Variants in TOP1 observed in about 807,000 individuals in gnomAD.
The protein encoded by TOP1 is DNA topoisomerase I.
Under a neutral mutation model 111.1 loss-of-function variants are expected in TOP1, and 10 were observed. The observed-to-expected ratio is 0.09, with a 90% CI of 0.06 to 0.15. The LOEUF (loss-of-function observed/expected upper bound fraction) is 0.15, where lower values mean the gene tolerates loss of function less well. Ranked by LOEUF, TOP1 falls within the 10% of genes least tolerant of loss-of-function variation. The probability of loss-of-function intolerance (pLI) is 1.00; values close to 1 mark genes in which losing one functional copy is unlikely to be tolerated. For synonymous variants in TOP1, 271 were observed against 302.9 expected, an observed-to-expected ratio of 0.89 and a Z score of 1.10; for missense variants, 474 against 926.7, an observed-to-expected ratio of 0.51 and a Z score of 6.34.
Position 41,074,770 on chromosome 20 carries a change from C to A in TOP1, c.156-1401C>A, listed in dbSNP as rs1355443591. On this transcript the variant is annotated intron_variant, in intron 3 of 20. Transcript: ENST00000361337. ...ACAAACTTCATGGGATGGACATAGCCTAATGAGCTCATTGCTGATGAAGTC... is the reference window on the plus strand; with the variant it reads ...ACAAACTTCATGGGATGGACATAGCATAATGAGCTCATTGCTGATGAAGTC... Among the ~76,000 whole-genome samples, 3 of 152,300 alleles carry A rather than the reference C, an allele frequency of 2.0e-5. No individual in the cohort carries two copies. The East Asian group carries it at 5.8e-4, about 29-fold the overall frequency.
intron 2 of TOP1, among the ~76,000 whole-genome samples, chr20:41,043,101 G>A (rs1321044072): frequency 6.6e-6 from 1 of 152,162 alleles, no homozygotes; most frequent in East Asian, 1.9e-4. Flanking sequence ...TTCCTGATCA[G>A]CAGAACTGCA....
In TOP1 at chr20:41,112,476, A is replaced by G. The variant is rs1039151415; in HGVS notation, c.1309-306A>G. The stretch of plus-strand genomic sequence containing the variant: ...TTGTGCTTGGCAGTGAGATGGGACA[A>G]TGTGCATTCTTAACAGGTTAAATGT... On this transcript the variant is annotated intron_variant, in intron 13 of 20. Coordinates refer to ENST00000361337, the MANE Select transcript of TOP1 (RefSeq NM_003286.4). The surrounding 1 kb of genome is among the most constrained non-coding windows in gnomAD (Gnocchi z 5.8). Among the ~76,000 whole-genome samples, 1 of 152,236 alleles carries G rather than the reference A, an allele frequency of 6.6e-6. No homozygotes were observed. The highest frequency in any genetic ancestry group is 2.4e-5 in the African/African-American group (1 of 41,464).
Position 41,070,900 on chromosome 20 carries a change from TACTTA to T in TOP1, c.156-5266_156-5262del, listed in dbSNP as rs1190843806. Among the ~76,000 whole-genome samples, 3 of 152,366 alleles carry T rather than the reference TACTTA, an allele frequency of 2.0e-5. No individual in the cohort carries two copies. The East Asian group carries it at 5.8e-4, about 29-fold the overall frequency. ...TTTAGAGGTAGTTCCTTGGGTGAGT[TACTTA>T]ACTTGTCTGTGCTTCAGTTTCCACA... is the stretch of plus-strand genomic sequence containing the variant. On this transcript the variant is annotated intron_variant, in intron 3 of 20. Transcript: ENST00000361337.
In TOP1 at chr20:41,078,787, G is replaced by A. The variant is rs1288862262; in HGVS notation, c.335+1150G>A. Among the ~76,000 whole-genome samples, 1 of 152,152 alleles carries A rather than the reference G, an allele frequency of 6.6e-6. No homozygotes were observed. The highest frequency in any genetic ancestry group is 1.5e-5 in the Non-Finnish European group (1 of 68,028). On this transcript the variant is annotated intron_variant, in intron 5 of 20. Transcript: ENST00000361337. This position sits in a 1 kb window ranked among gnomAD's most constrained non-coding sequence, Gnocchi z 5.3. ...GATTAGGAACACAGCCTTCTTTGAGGCAGTGGTCTCTATGTTCACTTTGCT... is the reference window on the plus strand; with the variant it reads ...GATTAGGAACACAGCCTTCTTTGAGACAGTGGTCTCTATGTTCACTTTGCT...
At chr20:41,105,467 A>G (rs2034131076) in intron 13 of TOP1, among the ~76,000 whole-genome samples, 1 of 152,148 alleles carries the variant, frequency 6.6e-6, no homozygotes, top group South Asian at 2.1e-4. Flanking sequence ...GTATTCTATT[A>G]TATCATAAAA....
At position 41,097,705 on chromosome 20, in the gene TOP1, C is replaced by T. The variant is rs2034001454; in HGVS notation, c.852+364C>T. On this transcript the variant is annotated intron_variant, in intron 10 of 20. Coordinates refer to ENST00000361337, the MANE Select transcript of TOP1 (RefSeq NM_003286.4). This position sits in a 1 kb window ranked among gnomAD's most constrained non-coding sequence, Gnocchi z 4.2. ...TCTGATGTCCCTCTCGCTGTTAATT[C>T]TTGCTCATTTATTTTAGGTACTTTC... is the stretch of plus-strand genomic sequence containing the variant. 6.6e-6 allele frequency among the ~76,000 whole-genome samples: 1 copy of T among 152,194 alleles called. No homozygotes were observed. The highest frequency in any genetic ancestry group is 2.4e-5 in the African/African-American group (1 of 41,448).
chr20:41,121,545 T>C lies in TOP1; in HGVS notation c.1951-151T>C, dbSNP rs926074926. On this transcript the variant is annotated intron_variant, in intron 18 of 20. Transcript: ENST00000361337. This position sits in a 1 kb window ranked among gnomAD's most constrained non-coding sequence, Gnocchi z 4.2. ...AATTCACTAGTCCTTGTGCATCTTC[T>C]CCCTGCCTTCATGAAGCCACCCTTG... The C allele has an allele frequency of 1.4e-5, 10 of 689,744 alleles. No individual in the cohort carries two copies. Among genetic ancestry groups the C allele is most frequent in the Admixed American group, 2.2e-5 (1 of 46,496 alleles). 42.7% of individuals were successfully genotyped at this position (689,744 alleles called of 1,614,324 possible). A position where few individuals can be genotyped will look rare whatever the true frequency, so the allele number is the denominator to read the frequency against.
chr20:41,103,803 TCTC>T (rs2034102085), intron 13 of TOP1, among the ~76,000 whole-genome samples: 1 of 151,964 alleles, frequency 6.6e-6, no homozygotes, highest in South Asian at 2.1e-4. Flanking sequence ...AAACACCCAT[TCTC>T]CTATTCTTTC....
chr20:41,095,387 T>G lies in TOP1; in HGVS notation c.731-1833T>G, dbSNP rs867793298. Among the ~76,000 whole-genome samples the G allele has an allele frequency of 4.6e-5, 7 of 152,076 alleles. No homozygotes were observed. Among genetic ancestry groups the G allele is most frequent in the African/African-American group, 1.7e-4 (7 of 41,440 alleles). ...GGTGTTAACAGTTTACATTTTTTTC[T>G]TGCCATTTTATTTCATTTATTTTAT... On this transcript the variant is annotated intron_variant, in intron 9 of 20. Coordinates refer to ENST00000361337, the MANE Select transcript of TOP1 (RefSeq NM_003286.4). The surrounding 1 kb of genome is among the most constrained non-coding windows in gnomAD (Gnocchi z 4.6).
rs1042248379 is a variant in TOP1, at chr20:41,080,760, ATTTC to A, written c.432-400_432-397del. Among the ~76,000 whole-genome samples the A allele has an allele frequency of 3.3e-5, 5 of 152,246 alleles. No homozygotes were observed. Among genetic ancestry groups the A allele is most frequent in the Admixed American group, 3.3e-4 (5 of 15,288 alleles). The stretch of plus-strand genomic sequence containing the variant: ...CTCATTTGTATTCATTCAATATAGA[ATTTC>A]TTTCCTCCACATTCCAGTGAGTTAC... On this transcript the variant is annotated intron_variant, in intron 6 of 20. Transcript: ENST00000361337. This position sits in a 1 kb window ranked among gnomAD's most constrained non-coding sequence, Gnocchi z 5.0.
intron 2 of TOP1, among the ~76,000 whole-genome samples, chr20:41,036,916 C>T (rs1044958303): frequency 1.2e-4 from 18 of 149,816 alleles, no homozygotes; most frequent in Non-Finnish European, 2.2e-4. Flanking sequence ...CTGCAAGCTC[C>T]GCCTCCCAGG....
rs759789088 is a variant in TOP1 at position 41,082,768 on chromosome 20, C to T, written c.507+1528C>T. ...AAGTAGTGATTATGGTAGCCAATCA[C>T]TCCACTTGCATATACCAAATCAGTA... On this transcript the variant is annotated intron_variant, in intron 7 of 20. Coordinates refer to ENST00000361337, the MANE Select transcript of TOP1 (RefSeq NM_003286.4). The surrounding 1 kb of genome is among the most constrained non-coding windows in gnomAD (Gnocchi z 4.1). Among the ~76,000 whole-genome samples, 1 of 151,774 alleles carries T rather than the reference C, an allele frequency of 6.6e-6. No individual in the cohort carries two copies. The highest frequency in any genetic ancestry group is 1.5e-5 in the Non-Finnish European group (1 of 68,004).
In TOP1 at chr20:41,123,365, C is replaced by A; in HGVS notation, c.*68C>A. On this transcript the variant is annotated 3_prime_UTR_variant, in exon 21 of 21. Transcript: ENST00000361337. The surrounding 1 kb of genome is among the most constrained non-coding windows in gnomAD (Gnocchi z 5.8). ...TTTGGGAAAGATGGATAAACTGAGCCTCACTTGCCCTCGTGCCTGGGGGAG... is the reference window on the plus strand; with the variant it reads ...TTTGGGAAAGATGGATAAACTGAGCATCACTTGCCCTCGTGCCTGGGGGAG... 8.6e-7 allele frequency: 1 copy of A among 1,160,904 alleles called. No homozygotes were observed. Among genetic ancestry groups the A allele is most frequent in the South Asian group, 1.3e-5 (1 of 76,948 alleles). 71.9% of individuals were successfully genotyped at this position (1,160,904 alleles called of 1,614,324 possible). A position where few individuals can be genotyped will look rare whatever the true frequency, so the allele number is the denominator to read the frequency against.
At chr20:41,086,921 A>C (rs1002705715) in intron 8 of TOP1, among the ~76,000 whole-genome samples, 3 of 152,174 alleles carry the variant, frequency 2.0e-5, no homozygotes, top group Non-Finnish European at 4.4e-5. Context: ...TGATAGCTAG[A>C]GGCTGTGTAT....
chr20:41,029,450 T>C lies in TOP1; in HGVS notation c.53T>C (p.Leu18Ser). Reference protein sequence around the residue: ...NDSQIEADFRLNDSHKHKDKH... With the variant: ...NDSQIEADFRSNDSHKHKDKH... ...TTCCAGATCGAAGCGGATTTCCGATTGAATGGTGAGTGTGCCCCCTGCGCC... is the reference window on the plus strand; with the variant it reads ...TTCCAGATCGAAGCGGATTTCCGATCGAATGGTGAGTGTGCCCCCTGCGCC... The change falls in exon 2 of 21, where the codon TTG becomes TCG. Residue 18 changes from leucine (L) to serine (S), a missense_variant. Physicochemically the swap from Leu to Ser is moderately radical, Grantham distance 145. Coordinates refer to ENST00000361337, the MANE Select transcript of TOP1 (RefSeq NM_003286.4). The surrounding 1 kb of genome is among the most constrained non-coding windows in gnomAD (Gnocchi z 6.1). The C allele has an allele frequency of 6.6e-7, 1 of 1,507,688 alleles. No homozygotes were observed. The highest frequency in any genetic ancestry group is 8.9e-7 in the Non-Finnish European group (1 of 1,127,588). 93.4% of individuals were successfully genotyped at this position (1,507,688 alleles called of 1,614,324 possible). A position where few individuals can be genotyped will look rare whatever the true frequency, so the allele number is the denominator to read the frequency against.
chr20:41,040,823 AAG>A (rs1491053861), intron 2 of TOP1, among the ~76,000 whole-genome samples: 2 of 151,652 alleles, frequency 1.3e-5, no homozygotes, highest in African/African-American at 4.9e-5. Flanking sequence ...AAAAAAAAAA[AAG>A]ACCATGTTAG....
chr20:41,081,265 T>C, intron 7 of TOP1, 25 bp downstream of exon 7: 1 of 1,581,804 alleles, frequency 6.3e-7, no homozygotes, highest in African/African-American at 1.4e-5. Flanking sequence ...TTAGGTCCTT[T>C]GGGGCTTGAG....
At chr20:41,039,679 C>T (rs1356250580) in intron 2 of TOP1, among the ~76,000 whole-genome samples, 6 of 152,018 alleles carry the variant, frequency 3.9e-5, no homozygotes, top group African/African-American at 4.8e-5. Context: ...GAGGCCGAGG[C>T]GGGCGGATCA....
Position 41,028,910 on chromosome 20 carries a change from G to C in TOP1, c.-158G>C. Reference sequence around the variant, plus strand: ...AGGCAGCGTCGCCGCCGTGGTAGCAGCCTCAGCCGTTTCTGGAGTCTCGGG... The same window carrying C: ...AGGCAGCGTCGCCGCCGTGGTAGCACCCTCAGCCGTTTCTGGAGTCTCGGG... On this transcript the variant is annotated 5_prime_UTR_variant, in exon 1 of 21. Coordinates refer to ENST00000361337, the MANE Select transcript of TOP1 (RefSeq NM_003286.4). 3 of 602,642 alleles carry C rather than the reference G, an allele frequency of 5.0e-6. No homozygotes were observed. The South Asian group carries it at 5.8e-5, about 12-fold the overall frequency. The allele number at this position is 602,642 out of a possible 1,614,324, so 37.3% of individuals were successfully genotyped here.
Sources: allele counts gnomAD v4.1 joint callset (sites outside exome capture counted in the v4.1 genomes callset), GRCh38; gene constraint gnomAD v4.1.1; non-coding constraint Gnocchi (gnomAD v3.1); transcripts MANE v1.5; gene names NCBI Gene and HGNC (gene_info 2026-07-23, HGNC 2026-07-21).